SETBP1: variants seen among roughly 807,000 people sequenced by gnomAD.
SETBP1 encodes the protein SET binding protein 1.
A neutral mutation model predicts 101.0 loss-of-function variants in SETBP1; 9 were observed. The observed-to-expected ratio is 0.09, with a 90% CI of 0.05 to 0.16. The LOEUF is 0.16. SETBP1 is among the 10% of genes least tolerant of loss of function. The pLI, the probability that SETBP1 is intolerant of heterozygous loss-of-function variation, is 1.00. For missense variants in SETBP1, 1,858 were observed against 2,033.8 expected (o/e 0.91, Z 1.66); for synonymous variants, 818 against 788.5 (o/e 1.04, Z -0.63).
At chr18:44,682,381 G>C (rs2068774122) in intron 1 of SETBP1, among the ~76,000 whole-genome samples, 1 of 152,190 alleles carries the variant, frequency 6.6e-6, no homozygotes, top group Non-Finnish European at 1.5e-5. Context: ...ACCCCAGCTG[G>C]GATGGGAAGG....
At chr18:44,887,356 A>G (rs1333784088) in intron 3 of SETBP1, among the ~76,000 whole-genome samples, 1 of 152,100 alleles carries the variant, frequency 6.6e-6, no homozygotes, top group African/African-American at 2.4e-5. Context: ...ACACCCAGAA[A>G]TTACAACTCC....
chr18:45,029,129 G>GT (rs2073235225), intron 4 of SETBP1, among the ~76,000 whole-genome samples: 2 of 152,162 alleles, frequency 1.3e-5, no homozygotes, highest in South Asian at 4.1e-4. Flanking sequence ...TTCTTCTAGG[G>GT]TTTTTATGGT....
intron 5 of SETBP1, among the ~76,000 whole-genome samples, chr18:45,058,535 A>G (rs2073844281): frequency 6.6e-6 from 1 of 152,210 alleles, no homozygotes; most frequent in South Asian, 2.1e-4. Context: ...CCAATGTAAC[A>G]GATGAAGAAA....
chr18:44,688,476 ATTT>A (rs879711867), intron 1 of SETBP1, among the ~76,000 whole-genome samples: 2 of 138,548 alleles, frequency 1.4e-5, no homozygotes, highest in Admixed American at 7.2e-5. Flanking sequence ...GAGACCTTTG[ATTT>A]TTTTTTTTTT....
chr18:44,741,179 T>C (rs771773918), intron 2 of SETBP1, among the ~76,000 whole-genome samples: 8 of 152,196 alleles, frequency 5.3e-5, no homozygotes, highest in Admixed American at 2.6e-4. Flanking sequence ...AGCTAGGTGC[T>C]AAGGGCACCA....
chr18:44,818,439 C>T (rs896349469), intron 2 of SETBP1, among the ~76,000 whole-genome samples: 1 of 152,110 alleles, frequency 6.6e-6, no homozygotes, highest in African/African-American at 2.4e-5. Context: ...GCGGAGTGTG[C>T]CTTCCACTCT....
intron 4 of SETBP1, among the ~76,000 whole-genome samples, chr18:44,957,836 A>T (rs1453560108): frequency 6.6e-6 from 1 of 152,228 alleles, no homozygotes; most frequent in African/African-American, 2.4e-5. Context: ...GAAGAAGAGG[A>T]CTAATGGGAG....
Position 44,701,748 on chromosome 18 carries a change from G to A in SETBP1, c.402G>A (p.Lys134=), listed in dbSNP as rs199906212. 9.9e-6 allele frequency: 16 copies of A among 1,614,162 alleles called. No individual in the cohort carries two copies. The highest frequency in any genetic ancestry group is 1.0e-5 in the Non-Finnish European group (12 of 1,180,036). The change falls in exon 2 of 6, where the codon AAG becomes AAA. Residue 134 remains lysine, a synonymous_variant. Coordinates refer to ENST00000649279, the MANE Select transcript of SETBP1 (RefSeq NM_015559.3). ...CACCTGAGATCAAGATCACCATCAA[G>A]CAGTCTGGGGACCAGAAGGTGTCCC... ...ICPPEIKITI[K]QSGDQKVSRA...
chr18:44,892,727 A>G (rs976897572), intron 3 of SETBP1, among the ~76,000 whole-genome samples: 3 of 152,142 alleles, frequency 2.0e-5, no homozygotes, highest in Non-Finnish European at 4.4e-5. Flanking sequence ...TAACTGCTAC[A>G]TAATAATTTT....
In SETBP1 at chr18:44,950,796, G is replaced by C; in HGVS notation, c.1456G>C (p.Ala486Pro). The C allele has an allele frequency of 6.2e-7, 1 of 1,614,150 alleles. No individual in the cohort carries two copies. The highest frequency in any genetic ancestry group is 8.5e-7 in the Non-Finnish European group (1 of 1,180,024). The change falls in exon 4 of 6, where the codon GCT (alanine) becomes CCT (proline). Residue 486 changes from alanine (A) to proline (P), a missense_variant. This residue lies in a region of SETBP1 where 581 missense variants were observed against 535.1 expected (regional missense o/e 1.09). Transcript: ENST00000649279. ...PSVGLETGGN[A>P]EKVIPGGVSK... ...AGTTGGCCTTGAAACTGGTGGAAAT[G>C]CTGAGAAAGTTATCCCAGGAGGTGT... is the stretch of plus-strand genomic sequence containing the variant.
Position 45,063,868 on chromosome 18 carries a change from G to C in SETBP1, c.*170G>C, listed in dbSNP as rs2073933497. On this transcript the variant is annotated 3_prime_UTR_variant, in exon 6 of 6. Coordinates refer to ENST00000649279, the MANE Select transcript of SETBP1 (RefSeq NM_015559.3). ...CGGGGCTGAGCCATCAGGAGCTCTT[G>C]GGAAAGCAAAGCAGGGAGACACCTT... 1.5e-6 allele frequency: 1 copy of C among 681,362 alleles called. No homozygotes were observed. The allele number at this position is 681,362 out of a possible 1,614,324, so 42.2% of individuals were successfully genotyped here.
chr18:44,912,672 CT>C (rs2070339912), intron 3 of SETBP1, among the ~76,000 whole-genome samples: 2 of 152,128 alleles, frequency 1.3e-5, no homozygotes. Flanking sequence ...CCACCTCAGC[CT>C]CCTAAAGTGC....
At chr18:45,003,250 T>C (rs2072653495) in intron 4 of SETBP1, among the ~76,000 whole-genome samples, 1 of 152,248 alleles carries the variant, frequency 6.6e-6, no homozygotes, top group South Asian at 2.1e-4. Flanking sequence ...GTGTATTTTT[T>C]AGTTCCTCAT....
chr18:44,934,956 C>T (rs1462282067), intron 3 of SETBP1, among the ~76,000 whole-genome samples: 1 of 152,216 alleles, frequency 6.6e-6, no homozygotes, highest in East Asian at 1.9e-4. Flanking sequence ...ATTCCAAAGG[C>T]AGTGGCCATG....
intron 3 of SETBP1, among the ~76,000 whole-genome samples, chr18:44,903,190 A>G (rs904767158): frequency 1.3e-5 from 2 of 152,112 alleles, no homozygotes; most frequent in Non-Finnish European, 2.9e-5. Flanking sequence ...CTGACACTAA[A>G]CACACCCACC....
intron 3 of SETBP1, among the ~76,000 whole-genome samples, chr18:44,935,425 T>C (rs2070936869): frequency 6.6e-6 from 1 of 152,182 alleles, no homozygotes; most frequent in African/African-American, 2.4e-5. Flanking sequence ...TTTCCTCTAA[T>C]ACCCACAGGC....
intron 3 of SETBP1, among the ~76,000 whole-genome samples, chr18:44,919,478 TA>T (rs1158457414): frequency 6.6e-6 from 1 of 151,872 alleles, no homozygotes; most frequent in Non-Finnish European, 1.5e-5. Flanking sequence ...GCTTCCTGAG[TA>T]GCTGGGACTA....
intron 4 of SETBP1, among the ~76,000 whole-genome samples, chr18:45,016,850 G>C (rs1036302359): frequency 7.7e-6 from 1 of 129,952 alleles, no homozygotes; most frequent in Non-Finnish European, 1.6e-5. Context: ...CACAGTCAAC[G>C]GCAGGTTTTC....
At chr18:44,907,387 G>A (rs1004865838) in intron 3 of SETBP1, among the ~76,000 whole-genome samples, 2 of 152,108 alleles carry the variant, frequency 1.3e-5, no homozygotes, top group African/African-American at 4.8e-5. Context: ...AGAATTTTGG[G>A]ATATGTGGTA....
Sources: gnomAD v4.1 joint callset for allele counts (sites outside exome capture counted in the v4.1 genomes callset) on GRCh38, gnomAD v4.1.1 for gene constraint, gnomAD v4.1.1 regional missense constraint, MANE v1.5 for transcripts, NCBI Gene and HGNC (gene_info 2026-07-23, HGNC 2026-07-21) for gene names.